The following CSMD1 variants were observed in gnomAD, a reference collection of about 807,000 sequenced individuals.
The protein encoded by CSMD1 is CUB and Sushi multiple domains 1.
In CSMD1, 213 loss-of-function variants were observed where a neutral mutation model predicts 417.5. That is an observed-to-expected ratio of 0.51 (90% CI 0.46 to 0.57). CSMD1 has a LOEUF of 0.57. CSMD1 is among the 20% of genes least tolerant of loss of function. The pLI is 0.00. For missense variants in CSMD1, 6,923 were observed against 4,529.7 expected (o/e 1.53, Z -15.17); for synonymous variants, 2,862 against 1,736.8 (o/e 1.65, Z -16.11).
intron 15 of CSMD1, 116 bp from the exon 16 acceptor site, chr8:3,399,645 T>G (rs1183376794): frequency 1.3e-6 from 1 of 747,208 alleles, no homozygotes; most frequent in African/African-American, 1.8e-5. Flanking sequence ...TATTTTCAAG[T>G]ATCAAAGCAA....
At chr8:3,296,552 C>T (rs976544584) in intron 25 of CSMD1, among the ~76,000 whole-genome samples, 17 of 152,240 alleles carry the variant, frequency 1.1e-4, no homozygotes, top group African/African-American at 4.1e-4. Context: ...TGCTTGCTTG[C>T]TCTGTTGACA....
At chr8:3,349,770 G>C (rs975562945) in intron 21 of CSMD1, among the ~76,000 whole-genome samples, 2 of 139,126 alleles carry the variant, frequency 1.4e-5, no homozygotes, top group African/African-American at 5.2e-5. Flanking sequence ...CTATAAAATA[G>C]ATATAAGTCT....
At chr8:3,421,416 C>T (rs1813480538) in intron 12 of CSMD1, among the ~76,000 whole-genome samples, 1 of 152,076 alleles carries the variant, frequency 6.6e-6, no homozygotes, top group African/African-American at 2.4e-5. Flanking sequence ...ATATACAATC[C>T]CAGGTTGTGA....
chr8:4,040,346 T>A (rs1797823444), intron 3 of CSMD1, among the ~76,000 whole-genome samples: 2 of 152,222 alleles, frequency 1.3e-5, no homozygotes, highest in African/African-American at 4.8e-5. Context: ...TAAGTACTAT[T>A]ATTATGCCCA....
chr8:4,393,281 A>G (rs762111813), intron 3 of CSMD1, among the ~76,000 whole-genome samples: 1 of 152,166 alleles, frequency 6.6e-6, no homozygotes, highest in Non-Finnish European at 1.5e-5. Flanking sequence ...TGGCCTACAA[A>G]GCAGTTTTTA....
At chr8:4,464,262 T>C (rs530013404) in intron 2 of CSMD1, among the ~76,000 whole-genome samples, 4 of 152,152 alleles carry the variant, frequency 2.6e-5, no homozygotes, top group East Asian at 2.0e-4. Flanking sequence ...CCTGCAGTGA[T>C]TGTATGAAGC....
intron 4 of CSMD1, 87 bp from the exon 5 acceptor site, chr8:3,998,197 G>C (rs1037238980): frequency 6.6e-6 from 8 of 1,212,216 alleles, no homozygotes; most frequent in African/African-American, 4.6e-5. Context: ...CTCTTGATCA[G>C]CGACAAATAT....
At chr8:4,447,524 C>T (rs568231989) in intron 2 of CSMD1, among the ~76,000 whole-genome samples, 2 of 152,166 alleles carry the variant, frequency 1.3e-5, no homozygotes, top group Non-Finnish European at 1.5e-5. Flanking sequence ...AGGCTCTAAT[C>T]CAAATCCCTC....
chr8:4,431,444 G>C (rs1333725112), intron 2 of CSMD1, among the ~76,000 whole-genome samples: 4 of 152,078 alleles, frequency 2.6e-5, no homozygotes, highest in African/African-American at 7.2e-5. Context: ...GAGCGAGTGA[G>C]CACACAGTCA....
chr8:4,235,906 C>A (rs1420131491), intron 3 of CSMD1, among the ~76,000 whole-genome samples: 1 of 152,154 alleles, frequency 6.6e-6, no homozygotes, highest in Non-Finnish European at 1.5e-5. Flanking sequence ...GTAGCTGAGC[C>A]GCAGCTTCCG....
At chr8:4,898,457 TGTAA>T (rs1413105807) in intron 1 of CSMD1, among the ~76,000 whole-genome samples, 3 of 152,072 alleles carry the variant, frequency 2.0e-5, no homozygotes, top group Non-Finnish European at 4.4e-5. Flanking sequence ...GTGTAGAAAG[TGTAA>T]GTGAGAGCCG....
At chr8:2,939,200 C>G (rs1480432847) in intron 69 of CSMD1, among the ~76,000 whole-genome samples, 1 of 152,216 alleles carries the variant, frequency 6.6e-6, no homozygotes, top group Admixed American at 6.5e-5. Context: ...CTATTTATCA[C>G]TGATAAGTTA....
chr8:4,013,557 G>C lies in CSMD1; in HGVS notation c.611-15447C>G, dbSNP rs2740941. 7.5e-3 allele frequency among the ~76,000 whole-genome samples: 1,139 copies of C among 152,042 alleles called. 14 individuals are homozygous for C. The highest frequency in any genetic ancestry group is 0.025 in the African/African-American group (1,024 of 41,430). On this transcript the variant is annotated intron_variant, in intron 4 of 69. Transcript: ENST00000635120. ...CTCTTAATTACATGTCAGCTTCTCA[G>C]TGAGAACACTTACAAACACTTATTT...
chr8:3,822,621 G>A (rs1020329281), intron 5 of CSMD1, among the ~76,000 whole-genome samples: 31 of 152,168 alleles, frequency 2.0e-4, no homozygotes, highest in Admixed American at 4.6e-4. Context: ...TCTGTCACCC[G>A]CTACCTCTAC....
At chr8:4,350,469 C>G (rs1016577643) in intron 3 of CSMD1, among the ~76,000 whole-genome samples, 1 of 152,168 alleles carries the variant, frequency 6.6e-6, no homozygotes, top group Non-Finnish European at 1.5e-5. Flanking sequence ...TACTCTTTGC[C>G]TGCTACAAAC....
chr8:4,027,113 C>G (rs189482623), intron 4 of CSMD1, among the ~76,000 whole-genome samples: 2 of 152,246 alleles, frequency 1.3e-5, no homozygotes, highest in East Asian at 3.9e-4. Flanking sequence ...CTTTGTGGAG[C>G]AAAAAGCTTT....
At chr8:3,365,726 T>A (rs1398505537) in intron 20 of CSMD1, among the ~76,000 whole-genome samples, 5 of 152,178 alleles carry the variant, frequency 3.3e-5, no homozygotes, top group African/African-American at 1.2e-4. Context: ...AGTAGTTAAG[T>A]TTTTGGGGCG....
intron 16 of CSMD1, among the ~76,000 whole-genome samples, 188 bp downstream of exon 16, chr8:3,399,203 A>G (rs1811885457): frequency 6.6e-6 from 1 of 152,202 alleles, no homozygotes; most frequent in Non-Finnish European, 1.5e-5. Context: ...GCATTGGCTC[A>G]CTGTGGGCTT....
intron 17 of CSMD1, among the ~76,000 whole-genome samples, chr8:3,393,486 C>T (rs1199758202): frequency 1.4e-4 from 22 of 152,042 alleles, no homozygotes; most frequent in Admixed American, 1.4e-3. Context: ...AGAAAAATGG[C>T]ATTTTTTTCA....
Sources: allele counts gnomAD v4.1 joint callset (sites outside exome capture counted in the v4.1 genomes callset), GRCh38; gene constraint gnomAD v4.1.1; transcripts MANE v1.5; gene names NCBI Gene and HGNC (gene_info 2026-07-23, HGNC 2026-07-21).